Variants in PLXNC1 observed in about 807,000 individuals in gnomAD.
PLXNC1 encodes the protein plexin C1.
A neutral mutation model predicts 178.2 loss-of-function variants in PLXNC1; 75 were observed. That is an observed-to-expected ratio of 0.42 (90% CI 0.35 to 0.51). PLXNC1 has a LOEUF of 0.51. PLXNC1 is among the 20% of genes least tolerant of loss of function. The pLI, the probability that PLXNC1 is intolerant of heterozygous loss-of-function variation, is 0.02. For synonymous variants in PLXNC1, 790 were observed against 779.9 expected, an observed-to-expected ratio of 1.01 and a Z score of -0.22; for missense variants, 1,503 against 1,984.4, an observed-to-expected ratio of 0.76 and a Z score of 4.61.
At chr12:94,279,040 G>A (rs1289307070) in intron 21 of PLXNC1, among the ~76,000 whole-genome samples, 1 of 151,426 alleles carries the variant, frequency 6.6e-6, no homozygotes, top group Non-Finnish European at 1.5e-5. Flanking sequence ...TGGGGACCTC[G>A]TAACCTTCCC....
intron 3 of PLXNC1, among the ~76,000 whole-genome samples, chr12:94,184,171 C>G (rs1302980097): frequency 6.6e-6 from 1 of 151,274 alleles, no homozygotes; most frequent in East Asian, 1.9e-4. Context: ...GCCTGGAGTG[C>G]AGTGGCGCAA....
intron 1 of PLXNC1, among the ~76,000 whole-genome samples, chr12:94,164,051 G>A (rs905867795): frequency 1.3e-5 from 2 of 152,142 alleles, no homozygotes; most frequent in Non-Finnish European, 1.5e-5. Context: ...TGAGGTTCAG[G>A]AGACTTAACT....
At chr12:94,225,616 A>G (rs1963915727) in intron 7 of PLXNC1, among the ~76,000 whole-genome samples, 1 of 152,224 alleles carries the variant, frequency 6.6e-6, no homozygotes, top group East Asian at 1.9e-4. Context: ...TGCCCACTTT[A>G]AGGCCAGATG....
rs996792410 is a variant in PLXNC1, at chr12:94,149,536, G to A, written c.565G>A (p.Glu189Lys). The part of the protein sequence containing the change: ...VAATYVLPEP[E>K]TASRCNPAAS... Reference sequence around the variant, plus strand: ...CGCCACCTACGTGCTGCCTGAGCCGGAGACGGCGAGCCGCTGCAACCCCGC... The same window carrying A: ...CGCCACCTACGTGCTGCCTGAGCCGAAGACGGCGAGCCGCTGCAACCCCGC... The change falls in exon 1 of 31, where the codon GAG (glutamate) becomes AAG (lysine). Residue 189 changes from glutamate to lysine, a missense_variant. Around this residue, in one of 4 missense-constraint regions of PLXNC1, gnomAD observed 73 missense variants for 125.4 expected, o/e 0.58. Transcript: ENST00000258526. 1 of 1,542,858 alleles carries A rather than the reference G, an allele frequency of 6.5e-7. No individual in the cohort carries two copies. The highest frequency in any genetic ancestry group is 8.7e-7 in the Non-Finnish European group (1 of 1,149,800).
intron 23 of PLXNC1, among the ~76,000 whole-genome samples, chr12:94,284,136 T>TGGTCTTA (rs1294424474): frequency 2.7e-5 from 4 of 149,962 alleles, no homozygotes; most frequent in Admixed American, 1.3e-4. Flanking sequence ...TCTCAAGCAC[T>TGGTCTTA]GGTCTTAGGT....
At chr12:94,252,477 T>C (rs780372427) in intron 15 of PLXNC1, among the ~76,000 whole-genome samples, 2 of 152,230 alleles carry the variant, frequency 1.3e-5, no homozygotes, top group Admixed American at 1.3e-4. Flanking sequence ...CTATGTCATC[T>C]CTTAAAGTGG....
intron 28 of PLXNC1, among the ~76,000 whole-genome samples, chr12:94,301,434 T>A (rs1371707176): frequency 2.6e-5 from 4 of 152,228 alleles, no homozygotes; most frequent in Admixed American, 2.6e-4. Flanking sequence ...CCTATTTGAA[T>A]ATAACACATT....
intron 14 of PLXNC1, among the ~76,000 whole-genome samples, chr12:94,251,048 G>A (rs1345781875): frequency 6.6e-6 from 1 of 152,094 alleles, no homozygotes; most frequent in African/African-American, 2.4e-5. Context: ...AAGCCTGCCT[G>A]TAAAAATGAT....
chr12:94,225,618 G>C (rs1469641238), intron 7 of PLXNC1, among the ~76,000 whole-genome samples: 2 of 152,166 alleles, frequency 1.3e-5, no homozygotes, highest in African/African-American at 2.4e-5. Context: ...CCCACTTTAA[G>C]GCCAGATGAA....
At chr12:94,300,423 T>C (rs995714232) in intron 27 of PLXNC1, among the ~76,000 whole-genome samples, 1 of 151,904 alleles carries the variant, frequency 6.6e-6, no homozygotes, top group Non-Finnish European at 1.5e-5. Flanking sequence ...TTGGCCCATA[T>C]GAAAAATAGC....
intron 27 of PLXNC1, 54 bp downstream of exon 27, chr12:94,298,849 A>G (rs1168962800): frequency 6.6e-7 from 1 of 1,507,368 alleles, no homozygotes; most frequent in Non-Finnish European, 9.1e-7. Flanking sequence ...CAGAATATTA[A>G]CTAAAAGAAA....
intron 7 of PLXNC1, among the ~76,000 whole-genome samples, chr12:94,225,787 C>G (rs1319239508): frequency 6.6e-6 from 1 of 152,224 alleles, no homozygotes; most frequent in Admixed American, 6.5e-5. Flanking sequence ...AAGAAGCGAG[C>G]AAATCACAAA....
At chr12:94,171,653 G>A (rs1225360378) in intron 2 of PLXNC1, among the ~76,000 whole-genome samples, 2 of 152,138 alleles carry the variant, frequency 1.3e-5, no homozygotes, top group Non-Finnish European at 2.9e-5. Context: ...GAGGATTCCG[G>A]GGGCACATGG....
At chr12:94,227,805 C>T (rs1189156920) in intron 9 of PLXNC1, among the ~76,000 whole-genome samples, 1 of 152,134 alleles carries the variant, frequency 6.6e-6, no homozygotes, top group Admixed American at 6.5e-5. Context: ...TACATAAGCC[C>T]CCACGTCAGT....
At chr12:94,294,356 G>C in intron 23 of PLXNC1, 130 bp from the exon 24 acceptor site, 1 of 570,368 alleles carries the variant, frequency 1.8e-6, no homozygotes. Context: ...CCAGAACATA[G>C]TAATTCTTGA....
intron 14 of PLXNC1, among the ~76,000 whole-genome samples, chr12:94,248,636 G>A (rs139478599): frequency 6.6e-6 from 1 of 152,214 alleles, no homozygotes; most frequent in African/African-American, 2.4e-5. Context: ...ACACACCATT[G>A]TCTATAATCC....
chr12:94,185,045 A>G (rs1047016819), intron 3 of PLXNC1, among the ~76,000 whole-genome samples: 1 of 152,214 alleles, frequency 6.6e-6, no homozygotes, highest in East Asian at 1.9e-4. Context: ...TAATAACCCC[A>G]TGAAGTCGTG....
intron 4 of PLXNC1, among the ~76,000 whole-genome samples, chr12:94,186,916 T>G (rs1012443890): frequency 1.1e-4 from 16 of 152,198 alleles, no homozygotes; most frequent in African/African-American, 3.4e-4. Flanking sequence ...TGGCGCCGTC[T>G]CCTAATGCGC....
chr12:94,190,123 C>G (rs141492583), intron 4 of PLXNC1, among the ~76,000 whole-genome samples: 20 of 152,146 alleles, frequency 1.3e-4, no homozygotes, highest in Admixed American at 1.3e-3. Flanking sequence ...TTGAGAGGGG[C>G]CTGGGGAAGC....
Sources: allele counts gnomAD v4.1 joint callset (sites outside exome capture counted in the v4.1 genomes callset), GRCh38; gene constraint gnomAD v4.1.1; regional missense constraint gnomAD v4.1.1; transcripts MANE v1.5; gene names NCBI Gene and HGNC (gene_info 2026-07-23, HGNC 2026-07-21).